The following MRPS28 variants were observed in gnomAD, a reference collection of about 807,000 sequenced individuals.
MRPS28 encodes mitochondrial ribosomal protein S28.
A neutral mutation model predicts 10.8 loss-of-function variants in MRPS28; 7 were observed. That is an observed-to-expected ratio of 0.65 (90% CI 0.37 to 1.22). The LOEUF is 1.22. Among genes scored for constraint, MRPS28 ranks in the 50% most tolerant of loss-of-function variants. The probability of loss-of-function intolerance (pLI) is 0.02; values close to 1 mark genes in which losing one functional copy is unlikely to be tolerated. For missense variants in MRPS28, 265 were observed against 232.9 expected, an observed-to-expected ratio of 1.14 and a Z score of -0.90; for synonymous variants, 121 against 93.3, an observed-to-expected ratio of 1.30 and a Z score of -1.71.
At chr8:80,021,747 C>A (rs1054888943) in intron 1 of MRPS28, among the ~76,000 whole-genome samples, 1 of 152,086 alleles carries the variant, frequency 6.6e-6, no homozygotes, top group Non-Finnish European at 1.5e-5. Flanking sequence ...CAGTGCTGGG[C>A]CCGAGAGACC....
intron 2 of MRPS28, among the ~76,000 whole-genome samples, chr8:79,973,471 A>T (rs1807692093): frequency 6.6e-6 from 1 of 152,166 alleles, no homozygotes; most frequent in Non-Finnish European, 1.5e-5. Context: ...TGGGCAACAT[A>T]TGAAGACACA....
chr8:79,927,944 C>G (rs1806337645), intron 2 of MRPS28, among the ~76,000 whole-genome samples: 1 of 152,080 alleles, frequency 6.6e-6, no homozygotes, highest in African/African-American at 2.4e-5. Context: ...GGACAAGAAC[C>G]AGGGTCAACC....
intron 1 of MRPS28, among the ~76,000 whole-genome samples, chr8:80,027,713 T>C (rs912562312): frequency 6.6e-5 from 10 of 152,218 alleles, no homozygotes; most frequent in African/African-American, 1.9e-4. Flanking sequence ...AGCTAAGAAC[T>C]TGCTGAACGG....
At chr8:80,014,101 AG>A (rs982986908) in intron 1 of MRPS28, among the ~76,000 whole-genome samples, 4 of 152,204 alleles carry the variant, frequency 2.6e-5, no homozygotes, top group African/African-American at 7.2e-5. Context: ...TGTGAAAAAA[AG>A]AAAGCTATTC....
At chr8:79,997,360 C>G (rs1160082380) in intron 2 of MRPS28, among the ~76,000 whole-genome samples, 1 of 152,174 alleles carries the variant, frequency 6.6e-6, no homozygotes, top group African/African-American at 2.4e-5. Flanking sequence ...CCAAGGCGTT[C>G]TCTCTCAGTA....
chr8:79,990,087 G>A (rs1808315659), intron 2 of MRPS28, among the ~76,000 whole-genome samples: 1 of 152,180 alleles, frequency 6.6e-6, no homozygotes, highest in African/African-American at 2.4e-5. Context: ...CTTGAGCCCA[G>A]GAGGTGGAGG....
At chr8:79,959,570 T>C (rs976977584) in intron 2 of MRPS28, among the ~76,000 whole-genome samples, 2 of 152,140 alleles carry the variant, frequency 1.3e-5, no homozygotes, top group Non-Finnish European at 2.9e-5. Flanking sequence ...ATGGTTTCCC[T>C]TATCTGAAAT....
intron 1 of MRPS28, among the ~76,000 whole-genome samples, chr8:80,021,368 A>G (rs543570276): frequency 4.6e-5 from 7 of 152,202 alleles, no homozygotes; most frequent in Admixed American, 6.5e-5. Context: ...GGACATGATC[A>G]AAAAAGTTTA....
At chr8:80,019,558 A>G (rs1809299383) in intron 1 of MRPS28, among the ~76,000 whole-genome samples, 1 of 152,138 alleles carries the variant, frequency 6.6e-6, no homozygotes, top group South Asian at 2.1e-4. Context: ...AACTTTTCCT[A>G]CTAAGCACAG....
At chr8:79,985,830 C>A (rs576557050) in intron 2 of MRPS28, among the ~76,000 whole-genome samples, 8 of 151,564 alleles carry the variant, frequency 5.3e-5, no homozygotes, top group Admixed American at 5.3e-4. Context: ...GATTCACAGC[C>A]GAATTCTACC....
At chr8:79,920,366 ACT>A in intron 2 of MRPS28, among the ~76,000 whole-genome samples, 1 of 152,290 alleles carries the variant, frequency 6.6e-6, no homozygotes, top group South Asian at 2.1e-4. Flanking sequence ...GAATTGCCAC[ACT>A]GTCTTCCACA....
At chr8:80,029,422 T>C (rs529100563) in intron 1 of MRPS28, among the ~76,000 whole-genome samples, 17 of 150,554 alleles carry the variant, frequency 1.1e-4, no homozygotes, top group Non-Finnish European at 2.1e-4. Flanking sequence ...ATTTCTTCCA[T>C]TTCATTTATC....
intron 1 of MRPS28, among the ~76,000 whole-genome samples, chr8:80,021,840 TAGAG>T (rs888452994): frequency 4.6e-5 from 7 of 152,162 alleles, no homozygotes; most frequent in Non-Finnish European, 8.8e-5. Flanking sequence ...CAAGAATACA[TAGAG>T]AGCCCCTGCA....
chr8:80,022,629 T>A (rs1019027594), intron 1 of MRPS28, among the ~76,000 whole-genome samples: 15 of 152,232 alleles, frequency 9.9e-5, no homozygotes, highest in Non-Finnish European at 5.9e-5. Context: ...CCAAACTGAA[T>A]CAAGACTATT....
intron 2 of MRPS28, among the ~76,000 whole-genome samples, chr8:79,940,290 T>C (rs1035675698): frequency 1.6e-4 from 25 of 152,232 alleles, no homozygotes; most frequent in Admixed American, 1.3e-3. Context: ...AGGATTCTTA[T>C]CCTAGATAAA....
rs141501037 is a variant in MRPS28 at position 79,938,187 on chromosome 8, C to G, written c.396-19039G>C. Among the ~76,000 whole-genome samples, 384 of 151,568 alleles carry G rather than the reference C, an allele frequency of 2.5e-3. 1 individual carries two copies. Among genetic ancestry groups the G allele is most frequent in the African/African-American group, 8.5e-3 (352 of 41,438 alleles). On this transcript the variant is annotated intron_variant, in intron 2 of 2. Transcript: ENST00000276585. The stretch of plus-strand genomic sequence containing the variant: ...TAAACATACTTCGGGGAAGTGCTCA[C>G]CTATCAAGTGAAATCCGAGTGCTAC...
At chr8:80,023,139 A>G (rs1204402554) in intron 1 of MRPS28, among the ~76,000 whole-genome samples, 3 of 152,220 alleles carry the variant, frequency 2.0e-5, no homozygotes, top group African/African-American at 7.2e-5. Context: ...ACAACATTTC[A>G]AAAGATTTTT....
At chr8:79,988,740 C>T (rs959604982) in intron 2 of MRPS28, among the ~76,000 whole-genome samples, 4 of 152,198 alleles carry the variant, frequency 2.6e-5, no homozygotes, top group African/African-American at 9.7e-5. Context: ...TTCTGTTCAT[C>T]AGACTCCTGG....
intron 2 of MRPS28, among the ~76,000 whole-genome samples, chr8:79,927,262 G>T (rs752420466): frequency 2.6e-5 from 4 of 152,168 alleles, no homozygotes; most frequent in Non-Finnish European, 4.4e-5. Flanking sequence ...ACCAAAAGAC[G>T]TAAGATTTTC....
Sources: gnomAD v4.1 joint callset for allele counts (sites outside exome capture counted in the v4.1 genomes callset) on GRCh38, gnomAD v4.1.1 for gene constraint, MANE v1.5 for transcripts, NCBI Gene and HGNC (gene_info 2026-07-23, HGNC 2026-07-21) for gene names.